Variants in GCNT2 observed in about 807,000 individuals in gnomAD.
GCNT2 encodes the protein glucosaminyl (N-acetyl) transferase 2 (I blood group), also known as N-acetyllactosaminide beta-1,6-N-acetylglucosaminyl-transferase.
In GCNT2, 34 loss-of-function variants were observed where a neutral mutation model predicts 34.2. The ratio of observed to expected loss-of-function variants is 1.00; its 90% CI spans 0.76 to 1.32. The LOEUF (loss-of-function observed/expected upper bound fraction) is 1.32. Among genes scored for constraint, GCNT2 ranks in the 40% most tolerant of loss-of-function variants. The pLI, the probability that GCNT2 is intolerant of heterozygous loss-of-function variation, is 0.00. For missense variants in GCNT2, 584 were observed against 489.4 expected (o/e 1.19, Z -1.82); for synonymous variants, 212 against 188.0 (o/e 1.13, Z -1.04).
chr6:10,556,853 T>C (rs1304265406), intron 3 of GCNT2: 1 of 1,614,096 alleles, frequency 6.2e-7, no homozygotes, highest in Non-Finnish European at 8.5e-7. Context: ...ACTATTAAGC[T>C]GCTTCCCAAA....
chr6:10,530,077 C>T (rs1477761424), intron 3 of GCNT2: 6 of 470,352 alleles, frequency 1.3e-5, no homozygotes, highest in African/African-American at 3.9e-5. Context: ...TAAATAAAAA[C>T]GTGACCGAGC....
In GCNT2 at chr6:10,621,425, AGACACG is replaced by A; in HGVS notation, c.1003_1008del (p.His335_Gly336del). The A allele has an allele frequency of 6.2e-7, 1 of 1,612,020 alleles. No individual in the cohort carries two copies. The highest frequency in any genetic ancestry group is 8.5e-7 in the Non-Finnish European group (1 of 1,178,120). ...TATAAAGTGGAGTGACATGGAAGACAGACACGGAGGCTGCCACGGTGAGGCTCTCGT... is the reference window on the plus strand; with the variant it reads ...TATAAAGTGGAGTGACATGGAAGACAGAGGCTGCCACGGTGAGGCTCTCGT... On this transcript the variant is annotated inframe_deletion, in exon 4 of 5. Coordinates refer to ENST00000495262, the MANE Select transcript of GCNT2 (RefSeq NM_145649.5).
At position 10,529,566 on chromosome 6, in the gene GCNT2, G is replaced by A. The variant is rs752005643; in HGVS notation, c.655G>A (p.Val219Met). 6.2e-7 allele frequency: 1 copy of A among 1,614,162 alleles called. No individual in the cohort carries two copies. Among genetic ancestry groups the A allele is most frequent in the East Asian group, 2.2e-5 (1 of 44,894 alleles). ...TAAAGGGAAAAATATCACCCCCGGA[G>A]TGCTGCCTCCTGACCACGCTGTTGG... Reference protein sequence around the residue: ...GFKGKNITPGVLPPDHAVGRT... With the variant: ...GFKGKNITPGMLPPDHAVGRT... The change falls in exon 3 of 5, where the codon GTG becomes ATG. Residue 219 changes from valine (V) to methionine (M), a missense_variant. Physicochemically the swap from Val to Met is conservative, Grantham distance 21. Coordinates refer to ENST00000495262, the MANE Select transcript of GCNT2 (RefSeq NM_145649.5).
At position 10,559,306 on chromosome 6, in the gene GCNT2, C is replaced by T. The variant is rs145548384; in HGVS notation, c.925+29470C>T. Among the ~76,000 whole-genome samples the T allele has an allele frequency of 3.9e-3, 598 of 152,174 alleles. 5 individuals are homozygous for T. Among genetic ancestry groups the T allele is most frequent in the African/African-American group, 0.014 (575 of 41,518 alleles). Reference sequence around the variant, plus strand: ...CTATCTAGATGGGTATAGGAGAGAACGACATCTACATGGGTAGAGGAGAGA... The same window carrying T: ...CTATCTAGATGGGTATAGGAGAGAATGACATCTACATGGGTAGAGGAGAGA... On this transcript the variant is annotated intron_variant, in intron 3 of 4. Coordinates refer to ENST00000495262, the MANE Select transcript of GCNT2 (RefSeq NM_145649.5).
intron 3 of GCNT2, among the ~76,000 whole-genome samples, chr6:10,548,204 A>T (rs1467825273): frequency 6.6e-6 from 1 of 152,228 alleles, no homozygotes; most frequent in Non-Finnish European, 1.5e-5. Flanking sequence ...CATGCACTCC[A>T]GCCTGGGCAA....
Position 10,608,131 on chromosome 6 carries a change from G to A in GCNT2, c.926-13220G>A, listed in dbSNP as rs1225381257. On this transcript the variant is annotated intron_variant, in intron 3 of 4. Coordinates refer to ENST00000495262, the MANE Select transcript of GCNT2 (RefSeq NM_145649.5). ...TCACTCTTGTTGCCCAGGCTGGAGT[G>A]CAGTGGCACGATCTCGGCTCACTGC... Among the ~76,000 whole-genome samples, 6 of 146,664 alleles carry A rather than the reference G, an allele frequency of 4.1e-5. 1 individual carries two copies. Among genetic ancestry groups the A allele is most frequent in the African/African-American group, 1.0e-4 (4 of 38,892 alleles).
At chr6:10,564,713 A>G (rs1163524879) in intron 3 of GCNT2, among the ~76,000 whole-genome samples, 2 of 152,244 alleles carry the variant, frequency 1.3e-5, no homozygotes, top group African/African-American at 2.4e-5. Flanking sequence ...AAATGGGACA[A>G]TAATAATAGA....
rs186369454 is a variant in GCNT2, at chr6:10,576,571, G to A, written c.926-44780G>A. On this transcript the variant is annotated intron_variant, in intron 3 of 4. Transcript: ENST00000495262. ...GGAGGCTGGAATTCAGGATCCAGAGGAAGAAGCATTTGAGAGTGGAATGGA... is the reference window on the plus strand; with the variant it reads ...GGAGGCTGGAATTCAGGATCCAGAGAAAGAAGCATTTGAGAGTGGAATGGA... Among the ~76,000 whole-genome samples the A allele has an allele frequency of 4.2e-4, 64 of 152,280 alleles. No individual in the cohort carries two copies. The East Asian group carries it at 0.012, about 29-fold the overall frequency.
At position 10,626,627 on chromosome 6, in the gene GCNT2, T is replaced by C. The variant is rs770826380; in HGVS notation, c.*20T>C. 131 of 1,584,334 alleles carry C rather than the reference T, an allele frequency of 8.3e-5. No individual in the cohort carries two copies. Among genetic ancestry groups the C allele is most frequent in the Non-Finnish European group, 1.1e-4 (124 of 1,153,008 alleles). ...TTTTGAGCTATTCATGAGCTACTCA[T>C]GACTGAAGGGAAACTGCAGCTGGGA... On this transcript the variant is annotated 3_prime_UTR_variant, in exon 5 of 5. Coordinates refer to ENST00000495262, the MANE Select transcript of GCNT2 (RefSeq NM_145649.5).
chr6:10,616,259 G>A (rs1765755181), intron 3 of GCNT2, among the ~76,000 whole-genome samples: 1 of 152,184 alleles, frequency 6.6e-6, no homozygotes, highest in African/African-American at 2.4e-5. Context: ...GGCTTCAGGA[G>A]TAAAGTTGCA....
chr6:10,533,702 T>A (rs3892446), intron 3 of GCNT2, among the ~76,000 whole-genome samples: 54,538 of 146,248 alleles, frequency 0.37, 11,217 homozygotes, highest in South Asian at 0.6. Flanking sequence ...AGCAGGAGAA[T>A]CGCTTCAGCG....
chr6:10,613,517 A>G (rs141553944), intron 3 of GCNT2, among the ~76,000 whole-genome samples: 2 of 152,314 alleles, frequency 1.3e-5, no homozygotes, highest in African/African-American at 4.8e-5. Context: ...AGTGATCCTA[A>G]CAGCAAATAT....
intron 3 of GCNT2, among the ~76,000 whole-genome samples, chr6:10,579,372 A>C (rs775362176): frequency 2.6e-5 from 4 of 152,210 alleles, no homozygotes; most frequent in Non-Finnish European, 5.9e-5. Flanking sequence ...CATGTCTATT[A>C]ATCCATTTCT....
chr6:10,542,447 A>G (rs1403227540), intron 3 of GCNT2, among the ~76,000 whole-genome samples: 5 of 152,206 alleles, frequency 3.3e-5, no homozygotes, highest in African/African-American at 1.2e-4. Context: ...TAGTGCCTTT[A>G]CAGTTATGCA....
chr6:10,530,208 T>TA (rs780352361), intron 3 of GCNT2: 46 of 192,708 alleles, frequency 2.4e-4, no homozygotes, highest in African/African-American at 7.6e-4. Context: ...CTAAAAATAC[T>TA]AAAAAAATTA....
intron 1 of GCNT2, among the ~76,000 whole-genome samples, chr6:10,527,129 A>G (rs558105371): frequency 2.0e-5 from 3 of 152,342 alleles, no homozygotes; most frequent in East Asian, 3.9e-4. Context: ...TTGAGCATTC[A>G]ATCAATAAAT....
chr6:10,558,894 G>A (rs1318292079), intron 3 of GCNT2, among the ~76,000 whole-genome samples: 1 of 152,118 alleles, frequency 6.6e-6, no homozygotes, highest in Non-Finnish European at 1.5e-5. Context: ...TCCACCATTC[G>A]CATATCATTG....
At chr6:10,584,960 T>G (rs907189177) in intron 3 of GCNT2, among the ~76,000 whole-genome samples, 8 of 151,870 alleles carry the variant, frequency 5.3e-5, no homozygotes, top group Non-Finnish European at 7.4e-5. Flanking sequence ...ATGTCAGTCC[T>G]AGGTTCCTTC....
chr6:10,596,820 A>G (rs2127423656), intron 3 of GCNT2, among the ~76,000 whole-genome samples: 1 of 151,342 alleles, frequency 6.6e-6, no homozygotes, highest in South Asian at 2.1e-4. Flanking sequence ...ATCTGAATGT[A>G]TTTTCCATTA....
Sources: allele counts gnomAD v4.1 joint callset (sites outside exome capture counted in the v4.1 genomes callset), GRCh38; gene constraint gnomAD v4.1.1; transcripts MANE v1.5; gene names NCBI Gene and HGNC (gene_info 2026-07-23, HGNC 2026-07-21).